Variants in DDHD1 observed in about 807,000 individuals in gnomAD.
DDHD1 encodes the protein phospholipase DDHD1.
A neutral mutation model predicts 96.4 loss-of-function variants in DDHD1; 49 were observed. The observed-to-expected ratio is 0.51, with a 90% CI of 0.40 to 0.64. The LOEUF is 0.64. Among genes scored for constraint, DDHD1 ranks in the 30% least tolerant of loss-of-function variants. DDHD1 has a pLI of 0.00. For missense variants in DDHD1, 1,106 were observed against 1,161.2 expected, an observed-to-expected ratio of 0.95 and a Z score of 0.69; for synonymous variants, 442 against 446.5, an observed-to-expected ratio of 0.99 and a Z score of 0.13.
intron 10 of DDHD1, 21 bp from the exon 11 acceptor site, chr14:53,054,650 T>A (rs756772189): frequency 6.2e-7 from 1 of 1,608,114 alleles, no homozygotes; most frequent in African/African-American, 1.3e-5. Flanking sequence ...CAAAGCAGGG[T>A]AGTCATTCTG....
intron 4 of DDHD1, among the ~76,000 whole-genome samples, chr14:53,076,268 G>C (rs1034102319): frequency 6.6e-6 from 1 of 152,138 alleles, no homozygotes; most frequent in African/African-American, 2.4e-5. Flanking sequence ...CAACATTCCA[G>C]AAGTTTGGAA....
chr14:53,120,629 T>C (rs889429974), intron 1 of DDHD1, among the ~76,000 whole-genome samples: 1 of 152,036 alleles, frequency 6.6e-6, no homozygotes, highest in Non-Finnish European at 1.5e-5. Context: ...AACAGAGACC[T>C]CAGAAATAGC....
At chr14:53,131,518 C>T (rs1356891815) in intron 1 of DDHD1, among the ~76,000 whole-genome samples, 2 of 152,108 alleles carry the variant, frequency 1.3e-5, no homozygotes, top group Non-Finnish European at 2.9e-5. Flanking sequence ...CCTCCACAAC[C>T]CATTATTCTG....
intron 4 of DDHD1, among the ~76,000 whole-genome samples, chr14:53,080,717 C>CTTTTT (rs1555334173): frequency 2.2e-5 from 2 of 89,534 alleles, no homozygotes; most frequent in Non-Finnish European, 4.3e-5. Flanking sequence ...TTCCTTCCCC[C>CTTTTT]TTTTTTTTTT....
At chr14:53,085,123 C>T (rs1258648219) in intron 4 of DDHD1, among the ~76,000 whole-genome samples, 2 of 152,180 alleles carry the variant, frequency 1.3e-5, no homozygotes, top group African/African-American at 4.8e-5. Context: ...GGCTGGGAAG[C>T]TCAAACTGGG....
At chr14:53,098,507 C>G (rs1433202014) in intron 2 of DDHD1, among the ~76,000 whole-genome samples, 1 of 151,686 alleles carries the variant, frequency 6.6e-6, no homozygotes, top group Non-Finnish European at 1.5e-5. Context: ...AGCAGTCTTA[C>G]ACATCTCTAA....
chr14:53,073,492 G>A (rs1162190618), intron 5 of DDHD1, among the ~76,000 whole-genome samples: 1 of 151,866 alleles, frequency 6.6e-6, no homozygotes, highest in Non-Finnish European at 1.5e-5. Context: ...CAATCCAGAG[G>A]GCATGCATGA....
chr14:53,041,626 T>C lies in DDHD1; in HGVS notation c.*5142A>G, dbSNP rs1244138859. 28 of 152,226 alleles carry C rather than the reference T, an allele frequency of 1.8e-4. No homozygotes were observed. The highest frequency in any genetic ancestry group is 1.8e-3 in the Admixed American group (27 of 15,282). The allele number at this position is 152,226 out of a possible 1,614,324, so 9.4% of individuals were successfully genotyped here. A position where few individuals can be genotyped will look rare whatever the true frequency, so the allele number is the denominator to read the frequency against. ...CTTAAGTTTGCATTTGTCACCAGAA[T>C]AGAAAACTAACAAAATATTTCCTGG... On this transcript the variant is annotated 3_prime_UTR_variant, in exon 13 of 13. Coordinates refer to ENST00000673822, the MANE Select transcript of DDHD1 (RefSeq NM_001160148.2).
At position 53,045,897 on chromosome 14, in the gene DDHD1, GT is replaced by G. The variant is rs899295229; in HGVS notation, c.*870del. ...ACTACCTATTCAAAAGCATTTACTA[GT>G]TTTCTAATAAAGCTAATGAAATGTA... On this transcript the variant is annotated 3_prime_UTR_variant, in exon 13 of 13. Coordinates refer to ENST00000673822, the MANE Select transcript of DDHD1 (RefSeq NM_001160148.2). 1 of 152,128 alleles carries G rather than the reference GT, an allele frequency of 6.6e-6. No individual in the cohort carries two copies. The highest frequency in any genetic ancestry group is 2.4e-5 in the African/African-American group (1 of 41,414). The allele number at this position is 152,128 out of a possible 1,614,324, so 9.4% of individuals were successfully genotyped here.
rs1273325634 is a variant in DDHD1 at position 53,043,780 on chromosome 14, T to C, written c.*2988A>G. On this transcript the variant is annotated 3_prime_UTR_variant, in exon 13 of 13. Transcript: ENST00000673822. ...CCTAAAACACAGAAACACTGGATTA[T>C]AAACAAGATTACTGTTGAAAAGAAA... The C allele has an allele frequency of 1.3e-5, 2 of 152,186 alleles. No individual in the cohort carries two copies. Among genetic ancestry groups the C allele is most frequent in the Non-Finnish European group, 2.9e-5 (2 of 68,020 alleles). The allele number at this position is 152,186 out of a possible 1,614,324, so 9.4% of individuals were successfully genotyped here. A position where few individuals can be genotyped will look rare whatever the true frequency, so the allele number is the denominator to read the frequency against.
At position 53,037,012 on chromosome 14, in the gene DDHD1, T is replaced by G. The variant is rs1881311022; in HGVS notation, c.*9756A>C. On this transcript the variant is annotated 3_prime_UTR_variant, in exon 13 of 13. Transcript: ENST00000673822. ...GAGGTACTCAATATTTAGCTCCCAT[T>G]TGTTAGAACATGCAGTACTTGGTTT... 1 of 152,080 alleles carries G rather than the reference T, an allele frequency of 6.6e-6. No homozygotes were observed. The highest frequency in any genetic ancestry group is 6.6e-5 in the Admixed American group (1 of 15,246). The allele number at this position is 152,080 out of a possible 1,614,324, so 9.4% of individuals were successfully genotyped here. A position where few individuals can be genotyped will look rare whatever the true frequency, so the allele number is the denominator to read the frequency against.
In DDHD1 at chr14:53,072,588, G is replaced by T; in HGVS notation, c.1503+9C>A. On this transcript the variant is annotated intron_variant, in intron 6 of 12. Transcript: ENST00000673822. ...AAATACCCACCAGCAAGATAATCAT[G>T]ACACTTACTTCATCTCTATAAAGTG... is the stretch of plus-strand genomic sequence containing the variant. 2 of 1,448,526 alleles carry T rather than the reference G, an allele frequency of 1.4e-6. No homozygotes were observed. The highest frequency in any genetic ancestry group is 3.0e-5 in the South Asian group (2 of 67,262). The allele number at this position is 1,448,526 out of a possible 1,614,324, so 89.7% of individuals were successfully genotyped here. A position where few individuals can be genotyped will look rare whatever the true frequency, so the allele number is the denominator to read the frequency against.
At chr14:53,069,676 T>C (rs1884346227) in intron 6 of DDHD1, among the ~76,000 whole-genome samples, 1 of 152,208 alleles carries the variant, frequency 6.6e-6, no homozygotes, top group African/African-American at 2.4e-5. Flanking sequence ...TTCACCTACA[T>C]ATATAAGTAA....
At chr14:53,066,926 C>G (rs1489341768) in intron 6 of DDHD1, among the ~76,000 whole-genome samples, 2 of 149,516 alleles carry the variant, frequency 1.3e-5, no homozygotes, top group Non-Finnish European at 3.0e-5. Flanking sequence ...GAGATCGTAC[C>G]ACTGCACTCC....
intron 2 of DDHD1, among the ~76,000 whole-genome samples, chr14:53,101,515 A>T (rs774131142): frequency 1.8e-4 from 28 of 152,080 alleles, no homozygotes; most frequent in Admixed American, 3.9e-4. Flanking sequence ...TTTTTGAAAG[A>T]TTACAATGCA....
intron 1 of DDHD1, among the ~76,000 whole-genome samples, chr14:53,134,995 A>C (rs112782941): frequency 2.1e-3 from 320 of 152,252 alleles, no homozygotes; most frequent in African/African-American, 7.5e-3. Context: ...GCTGCCCCTA[A>C]TTCCGCTCGA....
At chr14:53,069,344 A>T (rs908637027) in intron 6 of DDHD1, among the ~76,000 whole-genome samples, 4 of 152,208 alleles carry the variant, frequency 2.6e-5, no homozygotes, top group African/African-American at 9.6e-5. Context: ...GAACAGGCAT[A>T]CCCTGTTTTA....
chr14:53,115,871 A>G (rs1888502870), intron 1 of DDHD1, among the ~76,000 whole-genome samples: 1 of 152,216 alleles, frequency 6.6e-6, no homozygotes, highest in South Asian at 2.1e-4. Context: ...AAATTCACAC[A>G]TAACAATATT....
rs1401429094 is a variant in DDHD1 at position 53,058,543 on chromosome 14, T to G, written c.1926A>C (p.Gln642His). The G allele has an allele frequency of 6.2e-7, 1 of 1,613,840 alleles. No homozygotes were observed. The highest frequency in any genetic ancestry group is 1.1e-5 in the South Asian group (1 of 90,900). The stretch of plus-strand genomic sequence containing the variant: ...AAATCTCTCTAGGCAAAATATGGTC[T>G]TGACTTCCAGTATTTCCTGGGCGGA... ...RGIRPGNTGS[Q>H]DHILPREICN... The change falls in exon 9 of 13, where the codon CAA (glutamine) becomes CAC (histidine). Residue 642 changes from glutamine (Q) to histidine (H), a missense_variant. This residue lies in a region of DDHD1 where 650 missense variants were observed against 758.8 expected (regional missense o/e 0.86). Coordinates refer to ENST00000673822, the MANE Select transcript of DDHD1 (RefSeq NM_001160148.2).
Sources: gnomAD v4.1 joint callset for allele counts (sites outside exome capture counted in the v4.1 genomes callset) on GRCh38, gnomAD v4.1.1 for gene constraint, gnomAD v4.1.1 regional missense constraint, MANE v1.5 for transcripts, NCBI Gene and HGNC (gene_info 2026-07-23, HGNC 2026-07-21) for gene names.